COG5: variants seen among roughly 807,000 people sequenced by gnomAD.
The protein encoded by COG5 is conserved oligomeric Golgi complex subunit 5.
COG5 carries 86 observed loss-of-function variants against 110.4 expected under a neutral mutation model. The ratio of observed to expected loss-of-function variants is 0.78; its 90% CI spans 0.65 to 0.93. COG5 has a LOEUF of 0.93. COG5 is among the 40% of genes least tolerant of loss of function. The pLI is 0.00. For missense variants in COG5, 1,077 were observed against 987.0 expected (o/e 1.09, Z -1.22); for synonymous variants, 360 against 334.6 (o/e 1.08, Z -0.83).
chr7:107,244,515 G>C (rs1363942909), intron 17 of COG5, among the ~76,000 whole-genome samples: 1 of 152,010 alleles, frequency 6.6e-6, no homozygotes, highest in Non-Finnish European at 1.5e-5. Flanking sequence ...AAACCATTCA[G>C]AAGATCAATG....
intron 18 of COG5, among the ~76,000 whole-genome samples, chr7:107,235,278 G>A (rs141822906): frequency 6.6e-5 from 10 of 152,250 alleles, no homozygotes; most frequent in East Asian, 3.9e-4. Context: ...ACACACTCCC[G>A]GATACACACA....
intron 6 of COG5, among the ~76,000 whole-genome samples, chr7:107,418,012 A>G (rs1231737079): frequency 6.6e-6 from 1 of 152,204 alleles, no homozygotes; most frequent in Non-Finnish European, 1.5e-5. Context: ...AAAATTATCT[A>G]AAAAGCTCCA....
At chr7:107,362,140 A>C (rs1409657730) in intron 9 of COG5, 30 bp from the exon 10 acceptor site, 1 of 1,552,172 alleles carries the variant, frequency 6.4e-7, no homozygotes, top group African/African-American at 1.4e-5. Context: ...AAGCTTAGGC[A>C]ATAGAAAAAG....
At chr7:107,304,869 A>G (rs1171994693) in intron 11 of COG5, among the ~76,000 whole-genome samples, 1 of 152,210 alleles carries the variant, frequency 6.6e-6, no homozygotes, top group African/African-American at 2.4e-5. Context: ...CATTCAACAA[A>G]TATCTGCTGA....
chr7:107,520,854 G>C (rs1800273077), intron 6 of COG5, among the ~76,000 whole-genome samples: 1 of 151,998 alleles, frequency 6.6e-6, no homozygotes, highest in South Asian at 2.1e-4. Context: ...CTAAGCAAAA[G>C]GAACAAAACT....
At chr7:107,467,461 AT>A (rs1796362362) in intron 6 of COG5, among the ~76,000 whole-genome samples, 1 of 152,100 alleles carries the variant, frequency 6.6e-6, no homozygotes, top group Non-Finnish European at 1.5e-5. Context: ...GGTTCAAGCG[AT>A]TCTCATTCCT....
intron 2 of COG5, among the ~76,000 whole-genome samples, chr7:107,557,054 C>A (rs556607806): frequency 6.6e-6 from 1 of 152,316 alleles, no homozygotes; most frequent in East Asian, 1.9e-4. Flanking sequence ...CAGGAATAAG[C>A]CACTGCGCCC....
At chr7:107,499,626 C>G (rs1798511237) in intron 6 of COG5, among the ~76,000 whole-genome samples, 1 of 152,092 alleles carries the variant, frequency 6.6e-6, no homozygotes. Context: ...CAGCTGGTCT[C>G]GAACTCCTGA....
At chr7:107,337,992 C>A (rs537028359) in intron 10 of COG5, among the ~76,000 whole-genome samples, 17 of 152,072 alleles carry the variant, frequency 1.1e-4, no homozygotes, top group Non-Finnish European at 2.2e-4. Flanking sequence ...TCCACTTCAG[C>A]ATTAAAGCTG....
At chr7:107,496,067 C>A (rs1798254701) in intron 6 of COG5, among the ~76,000 whole-genome samples, 1 of 152,026 alleles carries the variant, frequency 6.6e-6, no homozygotes, top group South Asian at 2.1e-4. Flanking sequence ...CAGTCACATG[C>A]CACCATACCC....
At chr7:107,475,853 G>C (rs1336652833) in intron 6 of COG5, among the ~76,000 whole-genome samples, 2 of 151,546 alleles carry the variant, frequency 1.3e-5, no homozygotes. Context: ...TCCTGGTATA[G>C]TGTATTTGCT....
chr7:107,272,089 T>C (rs1804322370), intron 14 of COG5, among the ~76,000 whole-genome samples: 1 of 152,106 alleles, frequency 6.6e-6, no homozygotes. Flanking sequence ...TTAAAATCTA[T>C]TAGAGCATTT....
At chr7:107,370,819 C>T (rs1007679980) in intron 8 of COG5, among the ~76,000 whole-genome samples, 5 of 133,668 alleles carry the variant, frequency 3.7e-5, no homozygotes, top group African/African-American at 1.1e-4. Context: ...TATATATATA[C>T]ACACACAATA....
Position 107,210,506 on chromosome 7 carries a change from C to A in COG5, c.2375+20G>T, listed in dbSNP as rs1323105646. 6.3e-7 allele frequency: 1 copy of A among 1,581,734 alleles called. No individual in the cohort carries two copies. The highest frequency in any genetic ancestry group is 1.2e-5 in the South Asian group (1 of 86,350). ...TGGGCTTCCAGACCAGATGGGTGCCCCCAGAGCACCTGGCTTTACCTGATG... is the reference window on the plus strand; with the variant it reads ...TGGGCTTCCAGACCAGATGGGTGCCACCAGAGCACCTGGCTTTACCTGATG... On this transcript the variant is annotated intron_variant, in intron 21 of 21. Coordinates refer to ENST00000297135, the MANE Select transcript of COG5 (RefSeq NM_006348.5).
At chr7:107,434,805 C>T (rs1488722174) in intron 6 of COG5, among the ~76,000 whole-genome samples, 1 of 151,874 alleles carries the variant, frequency 6.6e-6, no homozygotes, top group Non-Finnish European at 1.5e-5. Context: ...CCTGTCTCTA[C>T]TAAAAATACA....
At position 107,202,403 on chromosome 7, in the gene COG5, T is replaced by A. The variant is rs1328433197; in HGVS notation, c.*1113A>T. 1.3e-5 allele frequency: 2 copies of A among 152,636 alleles called. No individual in the cohort carries two copies. The highest frequency in any genetic ancestry group is 4.8e-5 in the African/African-American group (2 of 41,458). 9.5% of individuals were successfully genotyped at this position (152,636 alleles called of 1,614,324 possible). A position where few individuals can be genotyped will look rare whatever the true frequency, so the allele number is the denominator to read the frequency against. On this transcript the variant is annotated 3_prime_UTR_variant, in exon 22 of 22. Coordinates refer to ENST00000297135, the MANE Select transcript of COG5 (RefSeq NM_006348.5). The stretch of plus-strand genomic sequence containing the variant: ...TTACTTACCAAGTGGTGTTTCTGGT[T>A]AGGAATCACAGCTGTAAAATTGATT...
At chr7:107,430,678 G>C (rs1327454193) in intron 6 of COG5, among the ~76,000 whole-genome samples, 2 of 152,160 alleles carry the variant, frequency 1.3e-5, no homozygotes, top group African/African-American at 2.4e-5. Context: ...GGACTGCACT[G>C]AATCTATAAA....
At chr7:107,351,523 A>G (rs375147347) in intron 10 of COG5, among the ~76,000 whole-genome samples, 23,744 of 152,142 alleles carry the variant, frequency 0.16, 2,319 homozygotes, top group Non-Finnish European at 0.22. Flanking sequence ...TGAACAGGCA[A>G]CCTACAGAAT....
chr7:107,518,339 TCCCAATTAAAAAGGTACAGACTGGCA>T (rs1178960708), intron 6 of COG5, among the ~76,000 whole-genome samples: 15 of 152,070 alleles, frequency 9.9e-5, no homozygotes, highest in Non-Finnish European at 1.9e-4. Flanking sequence ...GGGCTAAATG[TCCCAATTAAAAAGGTACAGACTGGCA>T]AATTGAATAA....
Sources: gnomAD v4.1 joint callset for allele counts (sites outside exome capture counted in the v4.1 genomes callset) on GRCh38, gnomAD v4.1.1 for gene constraint, MANE v1.5 for transcripts, NCBI Gene and HGNC (gene_info 2026-07-23, HGNC 2026-07-21) for gene names.